Variants in LINGO1 observed in about 807,000 individuals in gnomAD.
The protein encoded by LINGO1 is leucine-rich repeat and immunoglobulin-like domain-containing nogo receptor-interacting protein 1.
LINGO1 carries 11 observed loss-of-function variants against 37.3 expected under a neutral mutation model. The observed-to-expected ratio is 0.29, with a 90% CI of 0.19 to 0.49. The LOEUF is 0.49. LINGO1 is among the 20% of genes least tolerant of loss of function. The probability of loss-of-function intolerance (pLI) is 0.99; values close to 1 mark genes in which losing one functional copy is unlikely to be tolerated. For missense variants in LINGO1, 585 were observed against 878.2 expected (o/e 0.67, Z 4.22); for synonymous variants, 387 against 403.0 (o/e 0.96, Z 0.48).
chr15:77,808,991 G>A (rs1326467264), intron 1 of LINGO1, among the ~76,000 whole-genome samples: 5 of 152,220 alleles, frequency 3.3e-5, no homozygotes. Context: ...TGCCGGCTAG[G>A]AGCAAAGGGC....
rs1177139668 is a variant in LINGO1, at chr15:77,615,015, G to A, written c.892C>T (p.Pro298Ser). 2 of 1,614,058 alleles carry A rather than the reference G, an allele frequency of 1.2e-6. No homozygotes were observed. The highest frequency in any genetic ancestry group is 1.7e-5 in the Admixed American group (1 of 60,026). ...YLRFLNLSYN[P>S]ISTIEGSMLH... is the part of the protein sequence containing the mutation. Reference sequence around the variant, plus strand: ...ATGGAGCCCTCAATGGTGCTGATGGGGTTGTAGGAGAGGTTGAGGAAGCGG... The same window carrying A: ...ATGGAGCCCTCAATGGTGCTGATGGAGTTGTAGGAGAGGTTGAGGAAGCGG... Residue 298 changes from proline (P) to serine (S), a missense_variant, in exon 2 of 2, where the codon CCC becomes TCC. Pro to Ser is a moderately conservative substitution (Grantham distance 74). This residue lies in a region of LINGO1 where 484 missense variants were observed against 735.0 expected (regional missense o/e 0.66). Transcript: ENST00000355300.
chr15:77,622,132 C>A (rs1201485038), intron 1 of LINGO1, among the ~76,000 whole-genome samples: 1 of 152,142 alleles, frequency 6.6e-6, no homozygotes, highest in Non-Finnish European at 1.5e-5. Context: ...GGGAAGGGGG[C>A]TAGAGCACTT....
chr15:77,720,276 C>T (rs11855853), intron 2 of LINGO1, among the ~76,000 whole-genome samples: 30,910 of 151,720 alleles, frequency 0.2, 3,482 homozygotes, highest in Middle Eastern at 0.29. Flanking sequence ...GAGGAGTAAA[C>T]GGCGTTTTTA....
intron 1 of LINGO1, among the ~76,000 whole-genome samples, chr15:77,737,449 G>A (rs1029579036): frequency 6.6e-6 from 1 of 152,044 alleles, no homozygotes; most frequent in Non-Finnish European, 1.5e-5. Context: ...AGGAGAGGGA[G>A]GAAGGGGAGG....
chr15:77,795,689 C>T lies in LINGO1; in HGVS notation c.-343+250G>A, dbSNP rs959229598. The stretch of plus-strand genomic sequence containing the variant: ...GCCCTTAGAGACCTCCCATGCCACG[C>T]GGGAACCCATTAGCCGGCACTGTCC... On this transcript the variant is annotated intron_variant, in intron 2 of 5. Transcript: ENST00000562933. Among the ~76,000 whole-genome samples, 36 of 152,192 alleles carry T rather than the reference C, an allele frequency of 2.4e-4. 1 individual carries two copies. Among genetic ancestry groups the T allele is most frequent in the Admixed American group, 1.6e-3 (24 of 15,288 alleles).
chr15:77,743,772 G>A (rs911213218), intron 1 of LINGO1, among the ~76,000 whole-genome samples: 39 of 151,930 alleles, frequency 2.6e-4, no homozygotes, highest in African/African-American at 8.7e-4. Flanking sequence ...AGGCAGCTGG[G>A]TGGGCATCAA....
At chr15:77,659,453 T>A (rs1179218666) in intron 3 of LINGO1, among the ~76,000 whole-genome samples, 1 of 152,144 alleles carries the variant, frequency 6.6e-6, no homozygotes, top group South Asian at 2.1e-4. Flanking sequence ...CAATGGACAC[T>A]CTTTCGGTTC....
intron 1 of LINGO1, among the ~76,000 whole-genome samples, chr15:77,738,844 C>A (rs2076230607): frequency 2.6e-5 from 4 of 151,978 alleles, no homozygotes; most frequent in Admixed American, 2.6e-4. Context: ...GCACAGCCAA[C>A]TCTACCAGAC....
Position 77,614,727 on chromosome 15 carries a change from G to C in LINGO1, c.1180C>G (p.Pro394Ala). 6.2e-7 allele frequency: 1 copy of C among 1,606,892 alleles called. No homozygotes were observed. Among genetic ancestry groups the C allele is most frequent in the Non-Finnish European group, 8.5e-7 (1 of 1,176,828 alleles). ...RWRLNFNRQQ[P>A]TCATPEFVQG... is the part of the protein sequence containing the mutation. ...ACAAACTCGGGCGTGGCGCACGTGG[G>C]CTGCTGCCGGTTGAAGTTGAGCCGC... is the stretch of plus-strand genomic sequence containing the variant. The change falls in exon 2 of 2, where the codon CCC becomes GCC. Residue 394 changes from proline (P) to alanine (A), a missense_variant. Pro to Ala is a conservative substitution (Grantham distance 27). Around this residue, in one of 4 missense-constraint regions of LINGO1, gnomAD observed 484 missense variants for 735.0 expected, o/e 0.66. Transcript: ENST00000355300.
At chr15:77,676,489 C>T (rs904507548) in intron 3 of LINGO1, among the ~76,000 whole-genome samples, 12 of 152,194 alleles carry the variant, frequency 7.9e-5, no homozygotes, top group Non-Finnish European at 1.5e-5. Flanking sequence ...GATTTGGCAC[C>T]AGGCCGAAAG....
In LINGO1 at chr15:77,817,839, G is replaced by A. The variant is rs555300687; in HGVS notation, c.-458+2419C>T. ...CCACAAAATCCTCCTCTGTGAAATG[G>A]ATAAGCAACTTGCCCACCGGTCCTG... On this transcript the variant is annotated intron_variant, in intron 1 of 5. Coordinates refer to the LINGO1 transcript ENST00000562933. Among the ~76,000 whole-genome samples the A allele has an allele frequency of 3.3e-5, 5 of 152,286 alleles. No homozygotes were observed. In the South Asian group the frequency reaches 1.0e-3, roughly 32 times the overall value.
At chr15:77,687,580 A>C (rs1157821375) in intron 2 of LINGO1, among the ~76,000 whole-genome samples, 1 of 152,192 alleles carries the variant, frequency 6.6e-6, no homozygotes, top group East Asian at 1.9e-4. Context: ...TCGAGCAGGG[A>C]AGCTCTTCCT....
At chr15:77,759,709 G>C (rs552119894) in intron 1 of LINGO1, among the ~76,000 whole-genome samples, 3 of 152,348 alleles carry the variant, frequency 2.0e-5, no homozygotes, top group African/African-American at 7.2e-5. Flanking sequence ...TGGAGCCGGC[G>C]ACTGGGGAGA....
intron 1 of LINGO1, among the ~76,000 whole-genome samples, chr15:77,807,641 C>G (rs2141473641): frequency 6.6e-6 from 1 of 152,178 alleles, no homozygotes; most frequent in East Asian, 1.9e-4. Context: ...GTGCAGAGAA[C>G]TCAAAACGAA....
chr15:77,695,077 T>C (rs969922144), intron 1 of LINGO1, among the ~76,000 whole-genome samples: 1 of 152,186 alleles, frequency 6.6e-6, no homozygotes, highest in African/African-American at 2.4e-5. Flanking sequence ...AGCATCTCAC[T>C]TTTCAGGTGA....
chr15:77,694,042 T>C (rs2075649464), intron 1 of LINGO1, among the ~76,000 whole-genome samples: 1 of 151,952 alleles, frequency 6.6e-6, no homozygotes, highest in African/African-American at 2.4e-5. Flanking sequence ...TCCCTGGAGG[T>C]ATGCAAGCAG....
chr15:77,773,023 C>T (rs1203668630), intron 1 of LINGO1, among the ~76,000 whole-genome samples: 2 of 152,174 alleles, frequency 1.3e-5, no homozygotes, highest in Non-Finnish European at 2.9e-5. Context: ...TCTTGGGTGA[C>T]ACCTGGTCGA....
chr15:77,815,518 G>A (rs1016916712), intron 1 of LINGO1, among the ~76,000 whole-genome samples: 7 of 152,186 alleles, frequency 4.6e-5, no homozygotes, highest in Non-Finnish European at 1.0e-4. Flanking sequence ...TATCCACGGA[G>A]ACAAACAAAT....
At chr15:77,669,864 T>A (rs757759371) in intron 3 of LINGO1, among the ~76,000 whole-genome samples, 2 of 152,102 alleles carry the variant, frequency 1.3e-5, no homozygotes, top group Non-Finnish European at 1.5e-5. Context: ...CACCTAGAAA[T>A]CGACCCAGGA....
Sources: allele counts gnomAD v4.1 joint callset (sites outside exome capture counted in the v4.1 genomes callset), GRCh38; gene constraint gnomAD v4.1.1; regional missense constraint gnomAD v4.1.1; transcripts MANE v1.5; gene names NCBI Gene and HGNC (gene_info 2026-07-23, HGNC 2026-07-21).